The following B3GALT1 variants were observed in gnomAD, a reference collection of about 807,000 sequenced individuals.
B3GALT1 encodes beta-1,3-galactosyltransferase 1.
Under a neutral mutation model 23.2 loss-of-function variants are expected in B3GALT1, and 10 were observed. That is an observed-to-expected ratio of 0.43 (90% CI 0.27 to 0.73). The LOEUF (loss-of-function observed/expected upper bound fraction) is 0.73, where lower values mean the gene tolerates loss of function less well. B3GALT1 is among the 30% of genes least tolerant of loss of function. The pLI is 0.21. For synonymous variants in B3GALT1, 156 were observed against 141.5 expected (o/e 1.10, Z -0.73); for missense variants, 299 against 405.4 (o/e 0.74, Z 2.25).
At chr2:167,767,766 C>G (rs1000074030) in intron 3 of B3GALT1, among the ~76,000 whole-genome samples, 7 of 152,064 alleles carry the variant, frequency 4.6e-5, no homozygotes, top group African/African-American at 1.7e-4. Flanking sequence ...TGTTATAACA[C>G]TTTATAGTTC....
chr2:167,490,165 C>A lies in B3GALT1; in HGVS notation c.-510-12C>A, dbSNP rs980536379. 5 of 152,140 alleles carry A rather than the reference C, an allele frequency of 3.3e-5. No homozygotes were observed. Among genetic ancestry groups the A allele is most frequent in the Admixed American group, 3.3e-4 (5 of 15,266 alleles). The allele number at this position is 152,140 out of a possible 1,614,324, so 9.4% of individuals were successfully genotyped here. A position where few individuals can be genotyped will look rare whatever the true frequency, so the allele number is the denominator to read the frequency against. ...CCTCCAAAGTTACTCATATATTTTT[C>A]TTTCCTTTTAGACCCATTAGAAACG... On this transcript the variant is annotated splice_polypyrimidine_tract_variant and intron_variant, in intron 1 of 4. Transcript: ENST00000392690.
At chr2:167,715,198 A>C in intron 3 of B3GALT1, 1 of 1,613,966 alleles carries the variant, frequency 6.2e-7, no homozygotes, top group African/African-American at 1.3e-5. Flanking sequence ...ATTCCAAGTT[A>C]TCATCATCCG....
intron 2 of B3GALT1, among the ~76,000 whole-genome samples, chr2:167,579,416 T>C (rs1346003512): frequency 3.3e-5 from 4 of 122,622 alleles, no homozygotes; most frequent in African/African-American, 8.0e-5. Flanking sequence ...TTGGTTTTGG[T>C]TTTGTTTTTT....
At chr2:167,719,931 C>CA (rs747995850) in intron 3 of B3GALT1, among the ~76,000 whole-genome samples, 182 of 133,206 alleles carry the variant, frequency 1.4e-3, no homozygotes, top group Middle Eastern at 3.7e-3. Context: ...GACCCTGTCT[C>CA]AAAAAAAAAA....
intron 3 of B3GALT1, among the ~76,000 whole-genome samples, chr2:167,768,626 C>G (rs1411110809): frequency 6.6e-6 from 1 of 152,170 alleles, no homozygotes; most frequent in Non-Finnish European, 1.5e-5. Flanking sequence ...GTCAGATACT[C>G]AAACTGACAT....
intron 1 of B3GALT1, among the ~76,000 whole-genome samples, chr2:167,341,216 A>G (rs1697141588): frequency 6.6e-6 from 1 of 152,178 alleles, no homozygotes; most frequent in Non-Finnish European, 1.5e-5. Context: ...AACAAGGGAA[A>G]AGCACATGAT....
In B3GALT1 at chr2:167,491,419, A is replaced by G. The variant is rs1434954504; in HGVS notation, c.-410+1142A>G. 2.0e-5 allele frequency among the ~76,000 whole-genome samples: 3 copies of G among 151,590 alleles called. No homozygotes were observed. In the South Asian group the frequency reaches 6.2e-4, roughly 32 times the overall value. On this transcript the variant is annotated intron_variant, in intron 2 of 4. Transcript: ENST00000392690. ...TCTAGAAGTTGTCTCATCTGACCAG[A>G]ATTGTAGTCTTTGTTTGGTTTGGTT...
chr2:167,327,081 A>C (rs528400167), intron 1 of B3GALT1, among the ~76,000 whole-genome samples: 5 of 152,162 alleles, frequency 3.3e-5, no homozygotes, highest in African/African-American at 9.6e-5. Flanking sequence ...ATGTAGATTT[A>C]TTTCTGGGTT....
intron 1 of B3GALT1, among the ~76,000 whole-genome samples, chr2:167,400,640 A>G (rs1360093735): frequency 1.3e-5 from 2 of 152,062 alleles, no homozygotes; most frequent in Non-Finnish European, 2.9e-5. Flanking sequence ...CTCCCTCTCA[A>G]TTCTGTTTTA....
At chr2:167,484,334 T>C (rs1425149720) in intron 1 of B3GALT1, among the ~76,000 whole-genome samples, 1 of 152,054 alleles carries the variant, frequency 6.6e-6, no homozygotes, top group African/African-American at 2.4e-5. Context: ...TTTAAAAAGG[T>C]TTATTTTGAG....
intron 3 of B3GALT1, among the ~76,000 whole-genome samples, chr2:167,789,069 A>G (rs1558979509): frequency 6.6e-6 from 1 of 152,174 alleles, no homozygotes; most frequent in Non-Finnish European, 1.5e-5. Flanking sequence ...CTTTCAAGCT[A>G]AAGACTTCCC....
At chr2:167,682,799 C>A (rs781366133) in intron 3 of B3GALT1, among the ~76,000 whole-genome samples, 3 of 152,166 alleles carry the variant, frequency 2.0e-5, no homozygotes, top group Non-Finnish European at 4.4e-5. Flanking sequence ...CCCGGTAGAG[C>A]CCTTAGGGAA....
chr2:167,648,897 C>T (rs1314971330), intron 3 of B3GALT1, among the ~76,000 whole-genome samples: 1 of 152,104 alleles, frequency 6.6e-6, no homozygotes, highest in Non-Finnish European at 1.5e-5. Context: ...CATTAACCCA[C>T]TTCCATGCCT....
intron 3 of B3GALT1, among the ~76,000 whole-genome samples, chr2:167,651,274 GCGCA>G (rs1685861153): frequency 4.0e-4 from 1 of 2,498 alleles, no homozygotes; most frequent in African/African-American, 8.9e-4. Flanking sequence ...GTGTGTGTGC[GCGCA>G]CGTGCACACA....
At chr2:167,735,032 T>C (rs970005977) in intron 3 of B3GALT1, among the ~76,000 whole-genome samples, 7 of 152,192 alleles carry the variant, frequency 4.6e-5, no homozygotes, top group African/African-American at 1.4e-4. Flanking sequence ...GATTTGCACA[T>C]GGTTTTATAT....
At chr2:167,737,264 T>C (rs1322417747) in intron 3 of B3GALT1, among the ~76,000 whole-genome samples, 1 of 152,228 alleles carries the variant, frequency 6.6e-6, no homozygotes, top group Non-Finnish European at 1.5e-5. Flanking sequence ...ATTAACTGGA[T>C]GAGGAAACTG....
intron 2 of B3GALT1, among the ~76,000 whole-genome samples, chr2:167,641,324 C>T (rs1226436456): frequency 3.9e-5 from 6 of 152,136 alleles, no homozygotes; most frequent in African/African-American, 1.4e-4. Flanking sequence ...ACTCCAAGTG[C>T]TTCACTGCTC....
At chr2:167,427,061 G>A (rs1459391888) in intron 1 of B3GALT1, among the ~76,000 whole-genome samples, 1 of 152,168 alleles carries the variant, frequency 6.6e-6, no homozygotes, top group Admixed American at 6.5e-5. Context: ...CAACTTTTCA[G>A]ACATTATATT....
intron 2 of B3GALT1, among the ~76,000 whole-genome samples, chr2:167,533,882 A>G (rs1055417436): frequency 6.6e-6 from 1 of 152,182 alleles, no homozygotes; most frequent in Non-Finnish European, 1.5e-5. Flanking sequence ...TAGAAATGTC[A>G]TTCTTTGAAT....
Sources: allele counts gnomAD v4.1 joint callset (sites outside exome capture counted in the v4.1 genomes callset), GRCh38; gene constraint gnomAD v4.1.1; transcripts MANE v1.5; gene names NCBI Gene and HGNC (gene_info 2026-07-23, HGNC 2026-07-21).